The following NELL2 variants were observed in gnomAD, a reference collection of about 807,000 sequenced individuals.
NELL2 encodes the protein neural EGFL like 2.
A neutral mutation model predicts 109.6 loss-of-function variants in NELL2; 41 were observed. The observed-to-expected ratio is 0.37, with a 90% CI of 0.29 to 0.49. The LOEUF is 0.49. NELL2 is among the 20% of genes least tolerant of loss of function. NELL2 has a pLI of 0.98. For synonymous variants in NELL2, 355 were observed against 344.7 expected, an observed-to-expected ratio of 1.03 and a Z score of -0.33; for missense variants, 900 against 1,008.3, an observed-to-expected ratio of 0.89 and a Z score of 1.45.
At chr12:44,843,567 G>A (rs1015554023) in intron 2 of NELL2, among the ~76,000 whole-genome samples, 4 of 152,124 alleles carry the variant, frequency 2.6e-5, no homozygotes, top group African/African-American at 4.8e-5. Flanking sequence ...GAAAGCATAC[G>A]TTCAGAAAAG....
chr12:44,621,538 C>T (rs11182572), intron 13 of NELL2, among the ~76,000 whole-genome samples: 31 of 151,962 alleles, frequency 2.0e-4, no homozygotes, highest in Admixed American at 7.2e-4. Context: ...TTAAGTATTT[C>T]GGCAGCAAAA....
In NELL2 at chr12:44,703,780, A is replaced by G; in HGVS notation, c.1264T>C (p.Cys422Arg). 1 of 1,613,602 alleles carries G rather than the reference A, an allele frequency of 6.2e-7. No individual in the cohort carries two copies. Among genetic ancestry groups the G allele is most frequent in the Admixed American group, 1.7e-5 (1 of 59,960 alleles). Reference sequence around the variant, plus strand: ...GCCCTAAAACCATCTCGACAGCTACAAACAGCCCTGTCATTCAGATTTCTG... The same window carrying G: ...GCCCTAAAACCATCTCGACAGCTACGAACAGCCCTGTCATTCAGATTTCTG... ...ICRNLNDRAV[C>R]SCRDGFRALR... is the part of the protein sequence containing the mutation. The change falls in exon 12 of 20, where the codon TGT (cysteine) becomes CGT (arginine). Residue 422 changes from cysteine (C) to arginine (R), a missense_variant. Physicochemically the swap from Cys to Arg is radical, Grantham distance 180. Transcript: ENST00000429094.
At chr12:44,664,626 T>C (rs1165122377) in intron 13 of NELL2, among the ~76,000 whole-genome samples, 1 of 152,112 alleles carries the variant, frequency 6.6e-6, no homozygotes, top group African/African-American at 2.4e-5. Flanking sequence ...ATGCACCTGA[T>C]AAAGATCATA....
chr12:44,802,221 C>T (rs1326248390), intron 3 of NELL2, among the ~76,000 whole-genome samples: 1 of 151,938 alleles, frequency 6.6e-6, no homozygotes, highest in Admixed American at 6.6e-5. Context: ...AAGATTCTGT[C>T]GTGTATTTAT....
chr12:44,526,583 T>C (rs892235821), intron 16 of NELL2, among the ~76,000 whole-genome samples: 14 of 152,100 alleles, frequency 9.2e-5, no homozygotes, highest in African/African-American at 3.1e-4. Context: ...ACTGCAGCAA[T>C]GGGGACGCAT....
At chr12:44,781,731 A>G (rs1208982163) in intron 3 of NELL2, among the ~76,000 whole-genome samples, 1 of 152,096 alleles carries the variant, frequency 6.6e-6, no homozygotes, top group Non-Finnish European at 1.5e-5. Flanking sequence ...GGAGCCATAA[A>G]GAAGTGGTAA....
At chr12:44,913,541 T>TCCCA (rs1945801797) in intron 1 of NELL2, among the ~76,000 whole-genome samples, 1 of 152,150 alleles carries the variant, frequency 6.6e-6, no homozygotes. Flanking sequence ...CTAAAATAGT[T>TCCCA]GCCAGAGATA....
chr12:44,571,910 G>A (rs186943444), intron 15 of NELL2, among the ~76,000 whole-genome samples: 2 of 151,898 alleles, frequency 1.3e-5, no homozygotes, highest in Non-Finnish European at 2.9e-5. Flanking sequence ...TATACTCAGG[G>A]TATGTAGATT....
At chr12:44,682,784 G>A (rs1024906286) in intron 12 of NELL2, among the ~76,000 whole-genome samples, 1 of 152,176 alleles carries the variant, frequency 6.6e-6, no homozygotes, top group African/African-American at 2.4e-5. Context: ...CTATATCTCT[G>A]TTTTGGTACC....
chr12:44,607,878 T>C (rs1223575551), intron 14 of NELL2, among the ~76,000 whole-genome samples: 5 of 152,042 alleles, frequency 3.3e-5, no homozygotes, highest in African/African-American at 1.2e-4. Flanking sequence ...TATAACCTGT[T>C]TTATCAGAGT....
intron 2 of NELL2, among the ~76,000 whole-genome samples, chr12:44,865,664 G>A (rs1452879438): frequency 1.1e-5 from 1 of 93,654 alleles, no homozygotes; most frequent in African/African-American, 4.0e-5. Context: ...GGACTGTGGT[G>A]GGGTCGGGGG....
chr12:44,748,460 T>G (rs367851223), intron 9 of NELL2, among the ~76,000 whole-genome samples: 4 of 152,182 alleles, frequency 2.6e-5, no homozygotes, highest in African/African-American at 9.6e-5. Flanking sequence ...AGATCCTATC[T>G]AATGTATTCA....
intron 15 of NELL2, among the ~76,000 whole-genome samples, chr12:44,579,826 T>C (rs1017458209): frequency 5.3e-5 from 8 of 152,210 alleles, no homozygotes; most frequent in African/African-American, 1.9e-4. Context: ...AATCTGTTAA[T>C]GCCTTTATTA....
intron 3 of NELL2, among the ~76,000 whole-genome samples, chr12:44,784,290 A>G (rs189891934): frequency 9.2e-4 from 140 of 152,224 alleles, no homozygotes; most frequent in African/African-American, 3.1e-3. Context: ...TATTCAACAT[A>G]GTGCTGAAAG....
intron 13 of NELL2, among the ~76,000 whole-genome samples, chr12:44,613,024 G>A (rs564392121): frequency 1.3e-5 from 2 of 152,092 alleles, no homozygotes; most frequent in Admixed American, 6.6e-5. Context: ...CAGTTCTGAA[G>A]GCTTTAAATG....
chr12:44,825,879 C>T (rs919503144), intron 2 of NELL2, among the ~76,000 whole-genome samples: 4 of 151,376 alleles, frequency 2.6e-5, no homozygotes, highest in African/African-American at 7.3e-5. Flanking sequence ...CCCGTCTTTA[C>T]CAAAAATACA....
chr12:44,780,860 C>G (rs1941932779), intron 3 of NELL2, among the ~76,000 whole-genome samples: 1 of 152,110 alleles, frequency 6.6e-6, no homozygotes, highest in South Asian at 2.1e-4. Flanking sequence ...ATCTAGACTT[C>G]TACCTCCACC....
intron 12 of NELL2, among the ~76,000 whole-genome samples, chr12:44,676,983 T>A (rs1948341907): frequency 6.6e-6 from 1 of 152,040 alleles, no homozygotes; most frequent in Admixed American, 6.6e-5. Context: ...ACTAGTAATT[T>A]TAAAAAATGG....
At chr12:44,772,750 A>G (rs1425281403) in intron 9 of NELL2, among the ~76,000 whole-genome samples, 1 of 151,988 alleles carries the variant, frequency 6.6e-6, no homozygotes, top group Non-Finnish European at 1.5e-5. Context: ...CTTAATACTT[A>G]TTATTTTTTA....
Sources: gnomAD v4.1 joint callset for allele counts (sites outside exome capture counted in the v4.1 genomes callset) on GRCh38, gnomAD v4.1.1 for gene constraint, MANE v1.5 for transcripts, NCBI Gene and HGNC (gene_info 2026-07-23, HGNC 2026-07-21) for gene names.